The following PCSK5 variants were observed in gnomAD, a reference collection of about 807,000 sequenced individuals.
PCSK5 encodes the protein prohormone convertase 5.
In PCSK5, 129 loss-of-function variants were observed where a neutral mutation model predicts 233.2. The observed-to-expected ratio is 0.55, with a 90% CI of 0.48 to 0.64. PCSK5 has a LOEUF of 0.64. Among genes scored for constraint, PCSK5 ranks in the 30% least tolerant of loss-of-function variants. The pLI is 0.00. For synonymous variants in PCSK5, 825 were observed against 879.2 expected, an observed-to-expected ratio of 0.94 and a Z score of 1.09; for missense variants, 2,076 against 2,430.1, an observed-to-expected ratio of 0.85 and a Z score of 3.06.
At chr9:75,986,354 T>C (rs1826515478) in intron 3 of PCSK5, 109 bp downstream of exon 3, 3 of 674,732 alleles carry the variant, frequency 4.4e-6, no homozygotes, top group Middle Eastern at 2.9e-4. Flanking sequence ...CAGGGATTGT[T>C]TCCTATTTTA....
At chr9:76,126,181 ATGTG>A (rs71499131) in intron 9 of PCSK5, among the ~76,000 whole-genome samples, 9 of 150,550 alleles carry the variant, frequency 6.0e-5, no homozygotes, top group South Asian at 2.1e-4. Context: ...GTGTGTGTGT[ATGTG>A]TGTGTGTGTG....
At position 75,890,973 on chromosome 9, in the gene PCSK5, G is replaced by A. The variant is rs12005073; in HGVS notation, c.-209G>A. ...CCGGAGAGCTGGGAGCACAGGTCCCGGCAGCCCCAGGGATGGTCTAGGAGC... is the reference window on the plus strand; with the variant it reads ...CCGGAGAGCTGGGAGCACAGGTCCCAGCAGCCCCAGGGATGGTCTAGGAGC... On this transcript the variant is annotated 5_prime_UTR_variant, in exon 1 of 38. Coordinates refer to ENST00000674117, the MANE Select transcript of PCSK5 (RefSeq NM_001372043.1). 4.9e-6 allele frequency: 2 copies of A among 410,632 alleles called. No individual in the cohort carries two copies. The highest frequency in any genetic ancestry group is 4.5e-5 in the Admixed American group (1 of 22,332). The allele number at this position is 410,632 out of a possible 1,614,324, so 25.4% of individuals were successfully genotyped here. A position where few individuals can be genotyped will look rare whatever the true frequency, so the allele number is the denominator to read the frequency against.
rs1830411682 is a variant in PCSK5 at position 76,360,347 on chromosome 9, A to T, written c.*1425A>T. On this transcript the variant is annotated 3_prime_UTR_variant, in exon 38 of 38. Transcript: ENST00000674117. ...TGTTCTTGTAGGAAACCTGAGGCTT[A>T]CAAGAGGTTAGGTAACTAGTCCAAG... 1 of 152,192 alleles carries T rather than the reference A, an allele frequency of 6.6e-6. No homozygotes were observed. Among genetic ancestry groups the T allele is most frequent in the African/African-American group, 2.4e-5 (1 of 41,442 alleles). The allele number at this position is 152,192 out of a possible 1,614,324, so 9.4% of individuals were successfully genotyped here. A position where few individuals can be genotyped will look rare whatever the true frequency, so the allele number is the denominator to read the frequency against.
intron 1 of PCSK5, among the ~76,000 whole-genome samples, chr9:75,907,665 A>G (rs1241708231): frequency 2.0e-5 from 3 of 152,070 alleles, no homozygotes; most frequent in Non-Finnish European, 4.4e-5. Flanking sequence ...TTCTCTGTGG[A>G]TCTTGGTGAA....
chr9:75,991,339 C>G (rs1446542356), intron 3 of PCSK5, among the ~76,000 whole-genome samples: 1 of 152,166 alleles, frequency 6.6e-6, no homozygotes, highest in African/African-American at 2.4e-5. Flanking sequence ...CCAATTGATG[C>G]TGATGCTGGG....
intron 2 of PCSK5, among the ~76,000 whole-genome samples, chr9:75,944,875 C>T (rs1270186878): frequency 6.6e-6 from 1 of 152,034 alleles, no homozygotes; most frequent in East Asian, 1.9e-4. Flanking sequence ...ATTGGGAGGC[C>T]TAGGCAGGCG....
intron 4 of PCSK5, among the ~76,000 whole-genome samples, chr9:76,025,377 T>C (rs1828376386): frequency 6.7e-6 from 1 of 149,670 alleles, no homozygotes; most frequent in South Asian, 2.1e-4. Flanking sequence ...AGACCTCATC[T>C]CTAATAAAAG....
intron 35 of PCSK5, among the ~76,000 whole-genome samples, chr9:76,343,966 A>T (rs1199843343): frequency 2.0e-5 from 3 of 152,104 alleles, no homozygotes; most frequent in Non-Finnish European, 2.9e-5. Context: ...AGTATAATTA[A>T]TTTTAATCAT....
chr9:76,233,038 C>G (rs1826143397), intron 21 of PCSK5, among the ~76,000 whole-genome samples: 1 of 152,216 alleles, frequency 6.6e-6, no homozygotes, highest in African/African-American at 2.4e-5. Flanking sequence ...TGACATTTCC[C>G]TTGCAAAGCA....
chr9:76,234,159 C>T (rs1826181644), intron 22 of PCSK5, among the ~76,000 whole-genome samples: 1 of 152,102 alleles, frequency 6.6e-6, no homozygotes, highest in South Asian at 2.1e-4. Context: ...AACTCATATG[C>T]CTGTCCCCTA....
At chr9:75,934,832 G>T (rs925646506) in intron 2 of PCSK5, among the ~76,000 whole-genome samples, 3 of 151,970 alleles carry the variant, frequency 2.0e-5, no homozygotes, top group Non-Finnish European at 2.9e-5. Flanking sequence ...TGATCTGCCC[G>T]CCTCAGCCTC....
intron 10 of PCSK5, among the ~76,000 whole-genome samples, chr9:76,146,359 A>G (rs1823440229): frequency 1.3e-5 from 2 of 152,130 alleles, no homozygotes; most frequent in South Asian, 4.1e-4. Context: ...AATATAAAAT[A>G]AAGTATCTTT....
chr9:75,912,449 T>A (rs891428234), intron 1 of PCSK5, among the ~76,000 whole-genome samples: 1 of 152,176 alleles, frequency 6.6e-6, no homozygotes, highest in Non-Finnish European at 1.5e-5. Flanking sequence ...CACACTTTCA[T>A]GTGCACCTGG....
intron 35 of PCSK5, among the ~76,000 whole-genome samples, chr9:76,346,536 T>C (rs891380983): frequency 1.3e-5 from 2 of 152,198 alleles, no homozygotes; most frequent in African/African-American, 4.8e-5. Flanking sequence ...CTGTCTTTGG[T>C]GCTCATTTTT....
chr9:76,095,395 T>G (rs1831467013), intron 7 of PCSK5, among the ~76,000 whole-genome samples: 2 of 152,240 alleles, frequency 1.3e-5, no homozygotes, highest in Admixed American at 6.5e-5. Flanking sequence ...TAAACAATAG[T>G]GCATAACTAC....
At chr9:76,209,152 T>TA (rs1460607288) in intron 20 of PCSK5, among the ~76,000 whole-genome samples, 1 of 152,220 alleles carries the variant, frequency 6.6e-6, no homozygotes, top group Non-Finnish European at 1.5e-5. Flanking sequence ...TCTAGCCTAC[T>TA]AAAAGCAAAA....
chr9:75,891,523 G>T, intron 1 of PCSK5, 150 bp downstream of exon 1: 1 of 534,476 alleles, frequency 1.9e-6, no homozygotes, highest in African/African-American at 3.1e-5. Flanking sequence ...CTGCGCGCGC[G>T]CGCGTACGCA....
chr9:76,063,316 TTTC>T, intron 5 of PCSK5, among the ~76,000 whole-genome samples: 3 of 125,156 alleles, frequency 2.4e-5, no homozygotes, highest in African/African-American at 3.4e-5. Context: ...TAATTTCTTT[TTTC>T]TTTTTTTTTT....
At chr9:76,085,654 A>G (rs1831035135) in intron 7 of PCSK5, among the ~76,000 whole-genome samples, 1 of 152,246 alleles carries the variant, frequency 6.6e-6, no homozygotes, top group African/African-American at 2.4e-5. Flanking sequence ...GTTCATGGGT[A>G]GGAAATGGAG....
Sources: gnomAD v4.1 joint callset for allele counts (sites outside exome capture counted in the v4.1 genomes callset) on GRCh38, gnomAD v4.1.1 for gene constraint, MANE v1.5 for transcripts, NCBI Gene and HGNC (gene_info 2026-07-23, HGNC 2026-07-21) for gene names.